KCNN3: variants seen among roughly 807,000 people sequenced by gnomAD.
KCNN3 encodes the protein small conductance calcium-activated potassium channel protein 3.
KCNN3 carries 16 observed loss-of-function variants against 62.9 expected under a neutral mutation model. That is an observed-to-expected ratio of 0.25 (90% CI 0.17 to 0.39). The LOEUF (loss-of-function observed/expected upper bound fraction) is 0.39. Ranked by LOEUF, KCNN3 falls within the 10% of genes least tolerant of loss-of-function variation. The pLI is 1.00. For synonymous variants in KCNN3, 370 were observed against 389.2 expected, an observed-to-expected ratio of 0.95 and a Z score of 0.58; for missense variants, 599 against 949.4, an observed-to-expected ratio of 0.63 and a Z score of 4.85.
chr1:154,846,341 C>T (rs1432944676), intron 1 of KCNN3, among the ~76,000 whole-genome samples: 3 of 152,168 alleles, frequency 2.0e-5, no homozygotes, highest in Non-Finnish European at 2.9e-5. Flanking sequence ...TCCAAATCAT[C>T]GCTGGCTTCT....
intron 3 of KCNN3, among the ~76,000 whole-genome samples, chr1:154,759,099 T>C (rs1282987867): frequency 3.3e-5 from 5 of 152,164 alleles, no homozygotes; most frequent in African/African-American, 1.2e-4. Flanking sequence ...TGAGCCACCA[T>C]GCCCGGCCAA....
rs147790720 is a variant in KCNN3, at chr1:154,849,759, G to A, written c.933+19273C>T. ...TTCGCATTCATCCTCATAACAAGCTGGTGAGAATGAGTCATCGAAAGCAGG... is the reference window on the plus strand; with the variant it reads ...TTCGCATTCATCCTCATAACAAGCTAGTGAGAATGAGTCATCGAAAGCAGG... On this transcript the variant is annotated intron_variant, in intron 1 of 7. Coordinates refer to ENST00000271915, the MANE Select transcript of KCNN3 (RefSeq NM_002249.6). 2.9e-3 allele frequency among the ~76,000 whole-genome samples: 437 copies of A among 152,280 alleles called. 1 individual carries two copies. The highest frequency in any genetic ancestry group is 0.01 in the Middle Eastern group (3 of 294).
At chr1:154,868,312 G>C in intron 1 of KCNN3, 1 of 986,072 alleles carries the variant, frequency 1.0e-6, no homozygotes, top group African/African-American at 1.7e-5. Context: ...GGTTTATTCT[G>C]AGTCCTCTCT....
At chr1:154,812,301 C>A (rs1317679087) in intron 2 of KCNN3, among the ~76,000 whole-genome samples, 2 of 151,832 alleles carry the variant, frequency 1.3e-5, no homozygotes, top group Non-Finnish European at 2.9e-5. Flanking sequence ...GGTACATGTG[C>A]ACAACGTGCA....
At chr1:154,727,410 A>C (rs769712483) in intron 4 of KCNN3, among the ~76,000 whole-genome samples, 5 of 152,248 alleles carry the variant, frequency 3.3e-5, no homozygotes, top group Non-Finnish European at 5.9e-5. Flanking sequence ...GAAGGAATGC[A>C]TATGGGTGGA....
rs1233894061 is a variant in KCNN3, at chr1:154,722,421, T to A, written c.1701+3495A>T. On this transcript the variant is annotated intron_variant, in intron 5 of 7. Transcript: ENST00000271915. The stretch of plus-strand genomic sequence containing the variant: ...TTTTTTTTTTGAGATGGAGTCTCGC[T>A]CAGTTGCCCAGGCTGGAGTGCAGTG... Among the ~76,000 whole-genome samples, 7 of 141,422 alleles carry A rather than the reference T, an allele frequency of 4.9e-5. No individual in the cohort carries two copies. The East Asian group carries it at 1.4e-3, about 29-fold the overall frequency. The allele number at this position is 141,422 out of a possible 152,430, so 92.8% of individuals were successfully genotyped here. A position where few individuals can be genotyped will look rare whatever the true frequency, so the allele number is the denominator to read the frequency against.
chr1:154,865,105 C>T (rs1348867408), intron 1 of KCNN3, among the ~76,000 whole-genome samples: 1 of 152,092 alleles, frequency 6.6e-6, no homozygotes, highest in East Asian at 1.9e-4. Flanking sequence ...GCAGCCAGGC[C>T]TTTCCCTTCC....
At chr1:154,853,326 TTTTCTGTTTTTG>T (rs996298874) in intron 1 of KCNN3, among the ~76,000 whole-genome samples, 2 of 148,846 alleles carry the variant, frequency 1.3e-5, no homozygotes, top group South Asian at 2.2e-4. Context: ...GTGGTTTTTG[TTTTCTGTTTTTG>T]TTTTTGTTTT....
chr1:154,746,506 C>T (rs895767532), intron 3 of KCNN3, among the ~76,000 whole-genome samples: 1 of 152,088 alleles, frequency 6.6e-6, no homozygotes, highest in Non-Finnish European at 1.5e-5. Context: ...TTACTCTTGC[C>T]CCAAACCCCT....
At chr1:154,731,857 G>A (rs774005178) in intron 4 of KCNN3, among the ~76,000 whole-genome samples, 3 of 152,168 alleles carry the variant, frequency 2.0e-5, no homozygotes, top group Non-Finnish European at 2.9e-5. Flanking sequence ...CCCAGGCTTA[G>A]ATGTGCTTTC....
chr1:154,832,693 C>T (rs1191356116), intron 1 of KCNN3, among the ~76,000 whole-genome samples: 1 of 152,192 alleles, frequency 6.6e-6, no homozygotes, highest in South Asian at 2.1e-4. Context: ...TTAGTAAAAC[C>T]TATCTGGCTC....
At chr1:154,725,549 T>TC (rs1700444803) in intron 5 of KCNN3, among the ~76,000 whole-genome samples, 1 of 151,416 alleles carries the variant, frequency 6.6e-6, no homozygotes, top group Non-Finnish European at 1.5e-5. Context: ...TTCCTTCTTT[T>TC]TTTTTTTTTT....
intron 1 of KCNN3, among the ~76,000 whole-genome samples, chr1:154,846,678 T>A (rs1446225268): frequency 6.6e-6 from 1 of 152,116 alleles, no homozygotes; most frequent in African/African-American, 2.4e-5. Flanking sequence ...TGGGTCAGAT[T>A]TCAGATGAAC....
chr1:154,709,960 A>G (rs180711186), intron 7 of KCNN3, among the ~76,000 whole-genome samples: 2 of 152,318 alleles, frequency 1.3e-5, no homozygotes, highest in Admixed American at 1.3e-4. Context: ...TGGTTTCCTC[A>G]TCTATATTGA....
At chr1:154,832,105 C>A (rs1651399702) in intron 1 of KCNN3, among the ~76,000 whole-genome samples, 1 of 152,022 alleles carries the variant, frequency 6.6e-6, no homozygotes, top group African/African-American at 2.4e-5. Context: ...TCCCTGAATT[C>A]ATCTGTTCTC....
intron 1 of KCNN3, among the ~76,000 whole-genome samples, chr1:154,852,041 G>A (rs887022697): frequency 5.9e-5 from 9 of 152,172 alleles, no homozygotes; most frequent in Non-Finnish European, 1.0e-4. Flanking sequence ...GGCCTGCACC[G>A]TCCAGTGTGA....
intron 3 of KCNN3, among the ~76,000 whole-genome samples, chr1:154,734,672 G>A (rs146226066): frequency 6.4e-4 from 97 of 152,342 alleles, no homozygotes; most frequent in African/African-American, 2.2e-3. Flanking sequence ...CAGTCAGAAA[G>A]GGACAGGGCC....
chr1:154,702,729 A>G lies in KCNN3; in HGVS notation c.*5247T>C, dbSNP rs1311382682. 3.2e-5 allele frequency: 4 copies of G among 126,450 alleles called. No homozygotes were observed. The East Asian group carries it at 8.6e-4, about 27-fold the overall frequency. The allele number at this position is 126,450 out of a possible 1,614,324, so 7.8% of individuals were successfully genotyped here. Reference sequence around the variant, plus strand: ...TATATATATATATATATATATATATATATATATATATATATATATGTACTT... The same window carrying G: ...TATATATATATATATATATATATATGTATATATATATATATATATGTACTT... On this transcript the variant is annotated 3_prime_UTR_variant, in exon 8 of 8. Coordinates refer to ENST00000271915, the MANE Select transcript of KCNN3 (RefSeq NM_002249.6).
At chr1:154,750,684 G>A (rs771588931) in intron 3 of KCNN3, among the ~76,000 whole-genome samples, 1 of 151,926 alleles carries the variant, frequency 6.6e-6, no homozygotes, top group African/African-American at 2.4e-5. Flanking sequence ...TAGGGGAGTG[G>A]GCAGCTGCAG....
Sources: allele counts gnomAD v4.1 joint callset (sites outside exome capture counted in the v4.1 genomes callset), GRCh38; gene constraint gnomAD v4.1.1; transcripts MANE v1.5; gene names NCBI Gene and HGNC (gene_info 2026-07-23, HGNC 2026-07-21).